EFCAB6: variants seen among roughly 807,000 people sequenced by gnomAD.
EFCAB6 encodes EF-hand calcium binding domain 6.
A neutral mutation model predicts 169.8 loss-of-function variants in EFCAB6; 156 were observed. The ratio of observed to expected loss-of-function variants is 0.92; its 90% CI spans 0.81 to 1.05. EFCAB6 has a LOEUF of 1.05. Among genes scored for constraint, EFCAB6 ranks in the 50% least tolerant of loss-of-function variants. The pLI is 0.00. For synonymous variants in EFCAB6, 698 were observed against 676.4 expected, an observed-to-expected ratio of 1.03 and a Z score of -0.50; for missense variants, 1,800 against 1,829.1, an observed-to-expected ratio of 0.98 and a Z score of 0.29.
At chr22:43,618,499 A>G (rs896414978) in intron 20 of EFCAB6, among the ~76,000 whole-genome samples, 1 of 152,102 alleles carries the variant, frequency 6.6e-6, no homozygotes, top group African/African-American at 2.4e-5. Context: ...ACAAAACACA[A>G]CTATCTGAGG....
chr22:43,750,634 G>C (rs948079674), intron 6 of EFCAB6, among the ~76,000 whole-genome samples: 2 of 151,888 alleles, frequency 1.3e-5, no homozygotes, highest in Non-Finnish European at 2.9e-5. Context: ...TTTTGAGCTT[G>C]ACACAGCCTT....
chr22:43,672,338 A>G (rs776313819), intron 13 of EFCAB6, 33 bp from the exon 14 acceptor site: 4 of 1,609,426 alleles, frequency 2.5e-6, no homozygotes, highest in South Asian at 1.1e-5. Flanking sequence ...ATAAATAAAT[A>G]CCACTCATGA....
chr22:43,685,358 T>C (rs777937030), intron 11 of EFCAB6, among the ~76,000 whole-genome samples: 4 of 151,950 alleles, frequency 2.6e-5, no homozygotes, highest in African/African-American at 7.3e-5. Flanking sequence ...GGGGGAAGAT[T>C]TGCCCTCAGT....
intron 6 of EFCAB6, among the ~76,000 whole-genome samples, chr22:43,739,378 T>G (rs1452891851): frequency 6.6e-6 from 1 of 151,984 alleles, no homozygotes; most frequent in Non-Finnish European, 1.5e-5. Flanking sequence ...CTTCTCAGTC[T>G]CCCTTGCTAG....
chr22:43,699,623 C>A (rs950318874), intron 10 of EFCAB6, among the ~76,000 whole-genome samples: 1 of 152,196 alleles, frequency 6.6e-6, no homozygotes, highest in South Asian at 2.1e-4. Context: ...GATTCCATCA[C>A]CCCCAAGACC....
At chr22:43,638,251 G>A (rs888924191) in intron 17 of EFCAB6, among the ~76,000 whole-genome samples, 5 of 152,154 alleles carry the variant, frequency 3.3e-5, no homozygotes, top group Admixed American at 2.6e-4. Flanking sequence ...CCTTGGAGGC[G>A]ACATACAATA....
intron 8 of EFCAB6, among the ~76,000 whole-genome samples, chr22:43,720,203 C>T (rs1203668541): frequency 2.0e-5 from 3 of 151,854 alleles, no homozygotes. Flanking sequence ...GAAGACTAGG[C>T]CGGGTTCAAG....
chr22:43,725,389 C>T (rs2059692823), intron 8 of EFCAB6, among the ~76,000 whole-genome samples: 1 of 152,144 alleles, frequency 6.6e-6, no homozygotes, highest in Non-Finnish European at 1.5e-5. Flanking sequence ...GATCCACCCG[C>T]CTCGGCCTCC....
At chr22:43,660,929 T>TG (rs1270249671) in intron 17 of EFCAB6, among the ~76,000 whole-genome samples, 2 of 152,306 alleles carry the variant, frequency 1.3e-5, no homozygotes, top group African/African-American at 2.4e-5. Flanking sequence ...CACCGTTTTG[T>TG]GGGTTTTCTG....
In EFCAB6 at chr22:43,744,122, T is replaced by TATGG. The variant is rs976546082; in HGVS notation, c.508-8133_508-8130dup. 8.2e-5 allele frequency among the ~76,000 whole-genome samples: 12 copies of TATGG among 147,138 alleles called. No individual in the cohort carries two copies. Among genetic ancestry groups the TATGG allele is most frequent in the Non-Finnish European group, 1.5e-4 (10 of 66,662 alleles). ...TGAATGAATGAATGAATGGATGGGT[T>TATGG]ATGGATGGATGGATGGGTAGATGGA... On this transcript the variant is annotated intron_variant, in intron 6 of 31. Coordinates refer to ENST00000262726, the MANE Select transcript of EFCAB6 (RefSeq NM_022785.4). This position sits in a 1 kb window ranked among gnomAD's most constrained non-coding sequence, Gnocchi z 4.3.
At chr22:43,564,038 C>G (rs189333689) in intron 26 of EFCAB6, among the ~76,000 whole-genome samples, 237 of 152,356 alleles carry the variant, frequency 1.6e-3, no homozygotes, top group Non-Finnish European at 2.4e-3. Flanking sequence ...CTTCACCTCT[C>G]TGGGCTTCCG....
rs11090606 is a variant in EFCAB6, at chr22:43,733,771, C to A, written c.645-1960G>T. 5.9e-5 allele frequency among the ~76,000 whole-genome samples: 9 copies of A among 151,832 alleles called. No homozygotes were observed. In the South Asian group the frequency reaches 1.7e-3, roughly 28 times the overall value. On this transcript the variant is annotated intron_variant, in intron 7 of 31. Coordinates refer to ENST00000262726, the MANE Select transcript of EFCAB6 (RefSeq NM_022785.4). ...GTTGCCAGGCTGGAGTGCAGTGGTG[C>A]GATCTCAGCTCACTGCAACCTCCGC...
At chr22:43,565,928 G>T (rs903578111) in intron 26 of EFCAB6, among the ~76,000 whole-genome samples, 1 of 149,536 alleles carries the variant, frequency 6.7e-6, no homozygotes, top group Non-Finnish European at 1.5e-5. Flanking sequence ...GATTAGCAAA[G>T]AAATTAATTG....
chr22:43,674,635 T>A (rs1434606176), intron 13 of EFCAB6, among the ~76,000 whole-genome samples: 1 of 152,194 alleles, frequency 6.6e-6, no homozygotes, highest in Non-Finnish European at 1.5e-5. Flanking sequence ...TAGACAAAGA[T>A]CACACCACTT....
intron 17 of EFCAB6, among the ~76,000 whole-genome samples, chr22:43,655,431 C>T (rs1175584942): frequency 6.6e-6 from 1 of 151,170 alleles, no homozygotes; most frequent in Non-Finnish European, 1.5e-5. Flanking sequence ...GTCTCTCATG[C>T]AGCTTCTATG....
At chr22:43,788,883 T>G (rs2062171297) in intron 2 of EFCAB6, among the ~76,000 whole-genome samples, 1 of 152,232 alleles carries the variant, frequency 6.6e-6, no homozygotes, top group Non-Finnish European at 1.5e-5. Context: ...ATCTGTTCAG[T>G]GGACTATTAT....
At chr22:43,660,565 T>TTA (rs1161227083) in intron 17 of EFCAB6, among the ~76,000 whole-genome samples, 5 of 150,992 alleles carry the variant, frequency 3.3e-5, no homozygotes, top group African/African-American at 9.7e-5. Flanking sequence ...ACATTTATAA[T>TTA]TATATATATA....
intron 23 of EFCAB6, among the ~76,000 whole-genome samples, chr22:43,592,977 T>G (rs1449915344): frequency 6.6e-6 from 1 of 152,114 alleles, no homozygotes; most frequent in Admixed American, 6.5e-5. Context: ...TCCCCTAGAT[T>G]TAAGAGGCAG....
intron 17 of EFCAB6, among the ~76,000 whole-genome samples, chr22:43,659,481 A>T (rs2056903501): frequency 6.6e-6 from 1 of 152,114 alleles, no homozygotes; most frequent in African/African-American, 2.4e-5. Flanking sequence ...CAATATAGTG[A>T]GACCTCATCT....
Sources: allele counts gnomAD v4.1 joint callset (sites outside exome capture counted in the v4.1 genomes callset), GRCh38; gene constraint gnomAD v4.1.1; non-coding constraint Gnocchi (gnomAD v3.1); transcripts MANE v1.5; gene names NCBI Gene and HGNC (gene_info 2026-07-23, HGNC 2026-07-21).